Variants in SP110 observed in about 807,000 individuals in gnomAD.
The protein encoded by SP110 is interferon-induced protein 41, 30kD.
Under a neutral mutation model 92.7 loss-of-function variants are expected in SP110, and 62 were observed. The ratio of observed to expected loss-of-function variants is 0.67; its 90% CI spans 0.55 to 0.83. The LOEUF is 0.83. Among genes scored for constraint, SP110 ranks in the 40% least tolerant of loss-of-function variants. The pLI is 0.00. For synonymous variants in SP110, 273 were observed against 305.3 expected (o/e 0.89, Z 1.10); for missense variants, 793 against 863.9 (o/e 0.92, Z 1.03).
intron 10 of SP110, among the ~76,000 whole-genome samples, chr2:230,197,479 C>G (rs1219310991): frequency 2.7e-5 from 4 of 148,768 alleles, no homozygotes; most frequent in African/African-American, 7.4e-5. Context: ...AAAATTTTCT[C>G]CCATTTTGTA....
chr2:230,217,559 A>G (rs1160634138), intron 1 of SP110, among the ~76,000 whole-genome samples: 2 of 152,236 alleles, frequency 1.3e-5, no homozygotes, highest in Non-Finnish European at 2.9e-5. Flanking sequence ...TAAGGGTTTC[A>G]TATGCAGTAA....
chr2:230,169,259 A>G, intron 18 of SP110, 22 bp from the exon 19 acceptor site: 1 of 1,302,606 alleles, frequency 7.7e-7, no homozygotes, highest in Non-Finnish European at 1.1e-6. Context: ...AAAAGCAAAC[A>G]AACACATTGA....
chr2:230,205,123 A>G (rs1348969277), intron 8 of SP110, among the ~76,000 whole-genome samples: 1 of 152,212 alleles, frequency 6.6e-6, no homozygotes, highest in Admixed American at 6.5e-5. Flanking sequence ...TTAATGTAGA[A>G]AAGAAGAGGG....
intron 10 of SP110, among the ~76,000 whole-genome samples, chr2:230,198,452 C>A (rs2042978090): frequency 6.6e-6 from 1 of 152,176 alleles, no homozygotes; most frequent in Admixed American, 6.5e-5. Context: ...GCTAGTTGTT[C>A]CTCTTTCTCT....
At chr2:230,217,726 A>G (rs904465700) in intron 1 of SP110, among the ~76,000 whole-genome samples, 2 of 152,232 alleles carry the variant, frequency 1.3e-5, no homozygotes, top group African/African-American at 4.8e-5. Flanking sequence ...TTCCAGGCTT[A>G]CAGTGCTAAC....
chr2:230,176,689 G>T, intron 14 of SP110: 1 of 1,613,862 alleles, frequency 6.2e-7, no homozygotes, highest in South Asian at 1.1e-5. Flanking sequence ...ACTCTCTCTT[G>T]AGATTTATTC....
Position 230,172,813 on chromosome 2 carries a change from T to C in SP110, c.1706+31A>G, listed in dbSNP as rs1427902123. On this transcript the variant is annotated intron_variant, in intron 15 of 18. Coordinates refer to ENST00000258381, the MANE Select transcript of SP110 (RefSeq NM_080424.4). ...CCTTTCCATCTGGAGGTGAGTGCTGTGTGCCCGAGGCGGGGCTGCATCCCA... is the reference window on the plus strand; with the variant it reads ...CCTTTCCATCTGGAGGTGAGTGCTGCGTGCCCGAGGCGGGGCTGCATCCCA... 3.5e-6 allele frequency: 5 copies of C among 1,435,448 alleles called. No homozygotes were observed. The Middle Eastern group carries it at 7.1e-4, about 203-fold the overall frequency. 88.9% of individuals were successfully genotyped at this position (1,435,448 alleles called of 1,614,324 possible).
In SP110 at chr2:230,209,689, A is replaced by AT. The variant is rs541323499; in HGVS notation, c.829+241dup. ...AAGAAGTTGTGAATATAGGAGATTG[A>AT]TTTTTTCAGAACAGGCAATTCCAAT... On this transcript the variant is annotated intron_variant, in intron 7 of 18. Transcript: ENST00000258381. Among the ~76,000 whole-genome samples the AT allele has an allele frequency of 8.5e-5, 13 of 152,258 alleles. No homozygotes were observed. In the East Asian group the frequency reaches 2.5e-3, roughly 29 times the overall value.
Position 230,196,812 on chromosome 2 carries a change from A to G in SP110, c.1129+4073T>C, listed in dbSNP as rs569566917. On this transcript the variant is annotated intron_variant, in intron 10 of 18. Coordinates refer to ENST00000258381, the MANE Select transcript of SP110 (RefSeq NM_080424.4). ...GCAGTGTTTGGTTTTTTGTCCTTGC[A>G]ATAGTTTGCAGAGAATGATGGTTTC... 7.2e-5 allele frequency among the ~76,000 whole-genome samples: 11 copies of G among 151,832 alleles called. No homozygotes were observed. In the East Asian group the frequency reaches 1.4e-3, roughly 19 times the overall value.
chr2:230,225,539 A>G (rs1331582927), exon 1 of SP110: 2 of 448,226 alleles, frequency 4.5e-6, no homozygotes, highest in Non-Finnish European at 8.3e-6. Context: ...CCTTACCTCA[A>G]AACAACTTTG....
In SP110 at chr2:230,212,819, G is replaced by T. The variant is rs1241975136; in HGVS notation, c.525C>A (p.Ser175Arg). 1 of 1,613,968 alleles carries T rather than the reference G, an allele frequency of 6.2e-7. No individual in the cohort carries two copies. Among genetic ancestry groups the T allele is most frequent in the African/African-American group, 1.3e-5 (1 of 74,904 alleles). Residue 175 changes from serine (S) to arginine (R), a missense_variant, in exon 4 of 19, where the codon AGC becomes AGA. Physicochemically the swap from Ser to Arg is moderately radical, Grantham distance 110. Coordinates refer to ENST00000258381, the MANE Select transcript of SP110 (RefSeq NM_080424.4). ...GGAGAGGCAGGACAGGGTCAGATGG[G>T]CTGGGCGACTCACTCAGGATCTCAT... Reference protein sequence around the residue: ...QSDEILSESPSPSDPVLPLPA... With the variant: ...QSDEILSESPRPSDPVLPLPA...
At chr2:230,223,228 G>A (rs2045969085), upstream of SP110, among the ~76,000 whole-genome samples, 3 of 151,966 alleles carry the variant, frequency 2.0e-5, no homozygotes, top group Admixed American at 2.0e-4. Flanking sequence ...GTAGAGATGG[G>A]GTTTCACCAT....
chr2:230,204,425 A>T (rs773117779), intron 8 of SP110, among the ~76,000 whole-genome samples: 3 of 152,134 alleles, frequency 2.0e-5, no homozygotes, highest in Non-Finnish European at 4.4e-5. Context: ...TAAATATGGG[A>T]TAATAAGAAT....
intron 14 of SP110, 150 bp from the exon 15 acceptor site, chr2:230,173,109 G>A (rs2078493459): frequency 3.0e-6 from 2 of 660,136 alleles, no homozygotes; most frequent in South Asian, 1.5e-5. Flanking sequence ...CACCTCCCTG[G>A]GGGAAATTGC....
chr2:230,172,273 G>T, intron 15 of SP110, 99 bp from the exon 16 acceptor site: 1 of 832,594 alleles, frequency 1.2e-6, no homozygotes, highest in East Asian at 2.4e-5. Context: ...GATGGGCTCA[G>T]CCATGAGGGT....
intron 14 of SP110, 115 bp downstream of exon 14, chr2:230,177,423 C>T (rs2041914897): frequency 8.7e-7 from 1 of 1,145,268 alleles, no homozygotes; most frequent in Non-Finnish European, 1.3e-6. Flanking sequence ...CATTTAACTC[C>T]TTATAAATCA....
intron 10 of SP110, among the ~76,000 whole-genome samples, chr2:230,188,792 A>T (rs1412233015): frequency 6.6e-6 from 1 of 152,130 alleles, no homozygotes; most frequent in East Asian, 1.9e-4. Context: ...ATTGACTTGC[A>T]TGTGTTAAAC....
chr2:230,165,721 A>G lies in SP110; in HGVS notation c.*3403T>C, dbSNP rs1204199654. On this transcript the variant is annotated 3_prime_UTR_variant, in exon 19 of 19. Coordinates refer to ENST00000258381, the MANE Select transcript of SP110 (RefSeq NM_080424.4). Reference sequence around the variant, plus strand: ...CAGATATTTTATTTTTGACTTTGACATTAAAAAAATAAGTCAAAATGCATT... The same window carrying G: ...CAGATATTTTATTTTTGACTTTGACGTTAAAAAAATAAGTCAAAATGCATT... Among the ~76,000 whole-genome samples the G allele has an allele frequency of 6.6e-6, 1 of 152,036 alleles. No individual in the cohort carries two copies. The highest frequency in any genetic ancestry group is 1.5e-5 in the Non-Finnish European group (1 of 67,958).
At chr2:230,175,673 C>T (rs1196507265) in intron 14 of SP110, among the ~76,000 whole-genome samples, 1 of 152,160 alleles carries the variant, frequency 6.6e-6, no homozygotes, top group Non-Finnish European at 1.5e-5. Flanking sequence ...ATGAGTGGAG[C>T]TGATGTGTCT....
Sources: gnomAD v4.1 joint callset for allele counts (sites outside exome capture counted in the v4.1 genomes callset) on GRCh38, gnomAD v4.1.1 for gene constraint, MANE v1.5 for transcripts, NCBI Gene and HGNC (gene_info 2026-07-23, HGNC 2026-07-21) for gene names.